The following TTC6 variants were observed in gnomAD, a reference collection of about 807,000 sequenced individuals.
The protein encoded by TTC6 is tetratricopeptide repeat domain 6, also known as tetratricopeptide repeat protein 6.
TTC6 carries 172 observed loss-of-function variants against 210.4 expected under a neutral mutation model. That is an observed-to-expected ratio of 0.82 (90% confidence interval 0.72 to 0.93). TTC6 has a LOEUF of 0.93. Ranked by LOEUF, TTC6 falls within the 40% of genes least tolerant of loss-of-function variation. The pLI, the probability that TTC6 is intolerant of heterozygous loss-of-function variation, is 0.00. For missense variants in TTC6, 2,414 were observed against 2,318.1 expected (o/e 1.04, Z -0.85); for synonymous variants, 804 against 819.6 (o/e 0.98, Z 0.32).
chr14:37,781,966 G>C (rs1196104323), intron 14 of TTC6, among the ~76,000 whole-genome samples: 1 of 152,082 alleles, frequency 6.6e-6, no homozygotes, highest in African/African-American at 2.4e-5. Flanking sequence ...TGAGGGCTCT[G>C]TTCTGTTTCA....
intron 1 of TTC6, among the ~76,000 whole-genome samples, chr14:37,632,332 ATTC>A (rs1398198563): frequency 1.3e-5 from 2 of 152,126 alleles, no homozygotes; most frequent in African/African-American, 2.4e-5. Context: ...TGTTGAGGCT[ATTC>A]TTTTCTGTTT....
At chr14:37,664,359 C>A (rs2095743614) in intron 1 of TTC6, among the ~76,000 whole-genome samples, 1 of 150,538 alleles carries the variant, frequency 6.6e-6, no homozygotes, top group African/African-American at 2.4e-5. Flanking sequence ...GCACCTACAA[C>A]CATCAGATCT....
At chr14:37,804,341 A>G (rs1041620289) in intron 20 of TTC6, among the ~76,000 whole-genome samples, 2 of 152,234 alleles carry the variant, frequency 1.3e-5, no homozygotes, top group African/African-American at 2.4e-5. Flanking sequence ...GAAATTGTCA[A>G]TAAACTTGTT....
intron 7 of TTC6, among the ~76,000 whole-genome samples, chr14:37,733,083 C>A (rs184594319): frequency 6.6e-6 from 1 of 152,266 alleles, no homozygotes; most frequent in Admixed American, 6.5e-5. Flanking sequence ...ATTCCTGTGG[C>A]TGTTTCCCTA....
At chr14:37,795,345 A>G in exon 18 of TTC6, 2 of 1,522,514 alleles carry the variant, frequency 1.3e-6, no homozygotes, top group Non-Finnish European at 1.8e-6. Flanking sequence ...CCAATTATAC[A>G]TAAGAAGGTA....
intron 17 of TTC6, among the ~76,000 whole-genome samples, chr14:37,793,570 G>A (rs887449656): frequency 2.0e-5 from 3 of 152,172 alleles, no homozygotes; most frequent in Admixed American, 2.0e-4. Context: ...TTGCCACTAG[G>A]TCATGTTAGT....
chr14:37,738,931 G>A lies in TTC6; in HGVS notation c.2139G>A (p.Glu713=), dbSNP rs528090450. 5.9e-6 allele frequency: 9 copies of A among 1,535,336 alleles called. No individual in the cohort carries two copies. The East Asian group carries it at 1.7e-4, about 29-fold the overall frequency. ...TCACTAAGCAAAATAAAACTGAGGA[G>A]CCCAACTATGTGAAAGAAAGTATAG... Residue 713 remains glutamate (E), a synonymous_variant, in exon 10 of 31, where the codon GAG becomes GAA. Transcript: ENST00000553443.
intron 1 of TTC6, among the ~76,000 whole-genome samples, chr14:37,605,652 C>T (rs1298961969): frequency 2.6e-5 from 4 of 152,138 alleles, no homozygotes; most frequent in Non-Finnish European, 5.9e-5. Flanking sequence ...TCTTACATAT[C>T]TACCTTTAGA....
At chr14:37,705,448 A>G (rs1252144772) in intron 5 of TTC6, among the ~76,000 whole-genome samples, 2 of 152,214 alleles carry the variant, frequency 1.3e-5, no homozygotes, top group Non-Finnish European at 2.9e-5. Context: ...AACACTGTTA[A>G]CATTCTTAAA....
intron 1 of TTC6, among the ~76,000 whole-genome samples, chr14:37,602,668 C>T (rs2095617967): frequency 6.6e-6 from 1 of 152,116 alleles, no homozygotes; most frequent in South Asian, 2.1e-4. Flanking sequence ...TCCGATGCGG[C>T]GGAGGATCTG....
intron 3 of TTC6, among the ~76,000 whole-genome samples, chr14:37,688,378 A>AAAT (rs2095797742): frequency 1.3e-5 from 2 of 152,232 alleles, no homozygotes; most frequent in African/African-American, 4.8e-5. Flanking sequence ...AATTTGCTGC[A>AAAT]AATGACATAG....
intron 27 of TTC6, among the ~76,000 whole-genome samples, chr14:37,825,682 G>A (rs752353835): frequency 2.6e-5 from 4 of 152,072 alleles, no homozygotes; most frequent in Non-Finnish European, 4.4e-5. Context: ...CATGGAATAC[G>A]TATAGTGATA....
exon 26 of TTC6, chr14:37,817,616 G>A (rs1332237125): frequency 4.3e-6 from 7 of 1,613,904 alleles, no homozygotes; most frequent in Non-Finnish European, 5.9e-6. Flanking sequence ...GGACTAACGG[G>A]AGCCTTTGTC....
intron 5 of TTC6, among the ~76,000 whole-genome samples, chr14:37,707,671 A>G (rs900711062): frequency 6.6e-6 from 1 of 152,124 alleles, no homozygotes; most frequent in African/African-American, 2.4e-5. Flanking sequence ...AATCTTTCTC[A>G]AAAGGATGTT....
At chr14:37,730,426 T>A (rs1438843865) in intron 7 of TTC6, among the ~76,000 whole-genome samples, 1 of 152,188 alleles carries the variant, frequency 6.6e-6, no homozygotes, top group Non-Finnish European at 1.5e-5. Context: ...GGATTGGCTT[T>A]AAAATGTTTC....
At chr14:37,781,903 T>A (rs1394006949) in intron 14 of TTC6, among the ~76,000 whole-genome samples, 1 of 152,192 alleles carries the variant, frequency 6.6e-6, no homozygotes, top group South Asian at 2.1e-4. Flanking sequence ...CCATTGCTTG[T>A]TTTTGACAGG....
At chr14:37,812,346 T>C in exon 25 of TTC6, 2 of 1,613,434 alleles carry the variant, frequency 1.2e-6, no homozygotes, top group Non-Finnish European at 1.7e-6. Context: ...TGCTGCTTCT[T>C]GATGCTACAG....
chr14:37,614,375 C>A (rs550588493), intron 2 of TTC6, among the ~76,000 whole-genome samples: 1 of 152,286 alleles, frequency 6.6e-6, no homozygotes, highest in Non-Finnish European at 1.5e-5. Context: ...CCTTTACCCA[C>A]ACCTATCCCA....
intron 14 of TTC6, among the ~76,000 whole-genome samples, chr14:37,781,369 C>T (rs991232243): frequency 6.6e-6 from 1 of 152,140 alleles, no homozygotes; most frequent in Non-Finnish European, 1.5e-5. Flanking sequence ...TTGCATTTCT[C>T]TAATGACCAG....
Sources: allele counts gnomAD v4.1 joint callset (sites outside exome capture counted in the v4.1 genomes callset), GRCh38; gene constraint gnomAD v4.1.1; transcripts MANE v1.5; gene names NCBI Gene and HGNC (gene_info 2026-07-23, HGNC 2026-07-21).